The following CIZ1 variants were observed in gnomAD, a reference collection of about 807,000 sequenced individuals.
The protein encoded by CIZ1 is CDKN1A interacting zinc finger protein 1, also known as cip1-interacting zinc finger protein.
A neutral mutation model predicts 118.6 loss-of-function variants in CIZ1; 58 were observed. That is an observed-to-expected ratio of 0.49 (90% CI 0.40 to 0.61). The LOEUF is 0.61. Among genes scored for constraint, CIZ1 ranks in the 20% least tolerant of loss-of-function variants. CIZ1 has a pLI of 0.00. For synonymous variants in CIZ1, 448 were observed against 443.4 expected, an observed-to-expected ratio of 1.01 and a Z score of -0.13; for missense variants, 921 against 1,115.9, an observed-to-expected ratio of 0.83 and a Z score of 2.49.
intron 10 of CIZ1, 24 bp downstream of exon 10, chr9:128,177,542 C>CCCCCAAAAA: frequency 6.5e-5 from 80 of 1,229,346 alleles, no homozygotes; most frequent in Non-Finnish European, 6.7e-5. Context: ...CACCCCTCCC[C>CCCCCAAAAA]ACCCTTATCT....
chr9:128,180,360 C>T (rs1457233890), intron 7 of CIZ1, 55 bp downstream of exon 7: 1 of 1,347,992 alleles, frequency 7.4e-7, no homozygotes, highest in African/African-American at 1.4e-5. Flanking sequence ...CCTGCCTTTG[C>T]AGGAATGAGA....
chr9:128,187,035 G>C (rs1832468684), intron 4 of CIZ1, among the ~76,000 whole-genome samples: 1 of 151,556 alleles, frequency 6.6e-6, no homozygotes, highest in Non-Finnish European at 1.5e-5. Flanking sequence ...TGCCTCCTGG[G>C]TTCAAGTGAT....
chr9:128,198,868 A>T (rs999057795), intron 1 of CIZ1, among the ~76,000 whole-genome samples: 1 of 151,998 alleles, frequency 6.6e-6, no homozygotes, highest in Non-Finnish European at 1.5e-5. Context: ...TGCACTAAAA[A>T]TATGTATTCA....
In CIZ1 at chr9:128,177,616, C is replaced by T; in HGVS notation, c.1768G>A (p.Ala590Thr). The T allele has an allele frequency of 6.8e-7, 1 of 1,461,368 alleles. No individual in the cohort carries two copies. Among genetic ancestry groups the T allele is most frequent in the Non-Finnish European group, 9.2e-7 (1 of 1,089,494 alleles). 90.5% of individuals were successfully genotyped at this position (1,461,368 alleles called of 1,614,324 possible). The change falls in exon 10 of 17, where the codon GCC becomes ACC. Residue 590 changes from alanine (A) to threonine (T), a missense_variant. Transcript: ENST00000372938. The part of the protein sequence containing the change: ...PAATSTPSKQ[A>T]LQFFCYICKA... ...CAGATGTAGCAGAAGAACTGGAGGGCCTGCTTAGAGGGAGTGCTGGTAGCC... is the reference window on the plus strand; with the variant it reads ...CAGATGTAGCAGAAGAACTGGAGGGTCTGCTTAGAGGGAGTGCTGGTAGCC...
At chr9:128,188,761 T>A (rs1334102052) in intron 3 of CIZ1, among the ~76,000 whole-genome samples, 1 of 152,028 alleles carries the variant, frequency 6.6e-6, no homozygotes, top group East Asian at 1.9e-4. Flanking sequence ...GCCTCCTGAG[T>A]AGCTGGGATT....
intron 2 of CIZ1, 100 bp downstream of exon 2, chr9:128,190,588 A>C: frequency 6.9e-7 from 1 of 1,456,496 alleles, no homozygotes; most frequent in South Asian, 1.3e-5. Context: ...TCCAGGACTC[A>C]AACGGGGATG....
chr9:128,199,110 G>A lies in CIZ1; in HGVS notation c.-6+5076C>T, dbSNP rs577598790. Among the ~76,000 whole-genome samples, 7 of 152,184 alleles carry A rather than the reference G, an allele frequency of 4.6e-5. No individual in the cohort carries two copies. The East Asian group carries it at 1.4e-3, about 29-fold the overall frequency. On this transcript the variant is annotated intron_variant, in intron 1 of 17. Transcript: ENST00000372948. Reference sequence around the variant, plus strand: ...CGGCTGGGCACGGTGGCTCACGCCTGTAATCCCAGCACTTTGGGAGGCCGA... The same window carrying A: ...CGGCTGGGCACGGTGGCTCACGCCTATAATCCCAGCACTTTGGGAGGCCGA...
chr9:128,178,905 C>T lies in CIZ1; in HGVS notation c.1302G>A (p.Gln434=). ...CGCTTGGCTGTGCCTGTGTGTGGAC[C>T]TGTGGATATGTCTGTGTCTGGACCT... The part of the protein sequence containing the change: ...QKQVQTQTYP[Q]VHTQAQPSVQ... Residue 434 remains glutamine, a synonymous_variant, in exon 8 of 17, where the codon CAG becomes CAA. Transcript: ENST00000372938. 2 of 1,614,206 alleles carry T rather than the reference C, an allele frequency of 1.2e-6. No homozygotes were observed. Among genetic ancestry groups the T allele is most frequent in the South Asian group, 1.1e-5 (1 of 91,088 alleles).
intron 3 of CIZ1, 56 bp downstream of exon 3, chr9:128,190,273 G>A (rs572470186): frequency 9.8e-6 from 12 of 1,230,044 alleles, no homozygotes; most frequent in Non-Finnish European, 1.4e-5. Context: ...AGAGCAATGC[G>A]CTGCTAGGGA....
chr9:128,170,143 G>T, intron 11 of CIZ1, 36 bp from the exon 12 acceptor site: 1 of 1,569,582 alleles, frequency 6.4e-7, no homozygotes, highest in Non-Finnish European at 8.8e-7. Flanking sequence ...ACAATGTGAC[G>T]CCAGAAAGAC....
chr9:128,190,937 C>T, intron 1 of CIZ1, 75 bp from the exon 2 acceptor site: 1 of 1,468,976 alleles, frequency 6.8e-7, no homozygotes, highest in Non-Finnish European at 9.0e-7. Context: ...TCCACCGCCA[C>T]TCCCCGCAGC....
chr9:128,171,112 C>T (rs1446686868), intron 11 of CIZ1, among the ~76,000 whole-genome samples: 2 of 151,590 alleles, frequency 1.3e-5, no homozygotes, highest in African/African-American at 2.4e-5. Context: ...CAACACAAGA[C>T]GCTGTCTCAA....
intron 5 of CIZ1, among the ~76,000 whole-genome samples, chr9:128,181,308 G>A (rs2130969396): frequency 6.6e-6 from 1 of 152,268 alleles, no homozygotes. Flanking sequence ...TAGAGTTGGG[G>A]TTTCACTATG....
At chr9:128,187,696 G>A (rs1207332907) in intron 4 of CIZ1, among the ~76,000 whole-genome samples, 167 bp downstream of exon 4, 1 of 151,876 alleles carries the variant, frequency 6.6e-6, no homozygotes, top group African/African-American at 2.4e-5. Context: ...CAAAGGACAT[G>A]GACAAGTCAC....
Position 128,191,513 on chromosome 9 carries a change from G to C in CIZ1, c.-87C>G. The C allele has an allele frequency of 9.9e-7, 1 of 1,006,818 alleles. No individual in the cohort carries two copies. The highest frequency in any genetic ancestry group is 1.2e-6 in the Non-Finnish European group (1 of 843,616). The allele number at this position is 1,006,818 out of a possible 1,614,324, so 62.4% of individuals were successfully genotyped here. On this transcript the variant is annotated 5_prime_UTR_variant, in exon 1 of 17. Coordinates refer to ENST00000372938, the MANE Select transcript of CIZ1 (RefSeq NM_001131016.2). The surrounding 1 kb of genome is among the most constrained non-coding windows in gnomAD (Gnocchi z 5.5). ...GCAGCCCCCACGCCTCGGCCGGGCGGCTCCGGCCCGCGGGCTCCCGGCCTC... is the reference window on the plus strand; with the variant it reads ...GCAGCCCCCACGCCTCGGCCGGGCGCCTCCGGCCCGCGGGCTCCCGGCCTC...
chr9:128,173,834 G>A (rs1036886517), intron 11 of CIZ1, among the ~76,000 whole-genome samples: 3 of 151,830 alleles, frequency 2.0e-5, no homozygotes, highest in Non-Finnish European at 4.4e-5. Flanking sequence ...GAGAAACCCT[G>A]TCTCTACTAA....
intron 11 of CIZ1, among the ~76,000 whole-genome samples, chr9:128,172,650 T>C (rs1830290256): frequency 6.6e-6 from 1 of 152,188 alleles, no homozygotes; most frequent in African/African-American, 2.4e-5. Flanking sequence ...CAGAAAGTGT[T>C]CGTGTTGTCA....
Position 128,190,446 on chromosome 9 carries a change from T to C in CIZ1, c.171-2A>G. On this transcript the variant is annotated splice_acceptor_variant, in intron 2 of 16. Coordinates refer to ENST00000372938, the MANE Select transcript of CIZ1 (RefSeq NM_001131016.2). LOFTEE classifies it high-confidence loss of function. The stretch of plus-strand genomic sequence containing the variant: ...TGTGGCTGCTGCGGGGGGAGCCCCC[T>C]GTGTGTTGGGAGGGGGTGTCAGAGG... 1 of 1,608,114 alleles carries C rather than the reference T, an allele frequency of 6.2e-7. No homozygotes were observed. Among genetic ancestry groups the C allele is most frequent in the Non-Finnish European group, 8.5e-7 (1 of 1,176,254 alleles).
chr9:128,190,945 A>G lies in CIZ1; in HGVS notation c.-5-83T>C. 2.0e-6 allele frequency: 3 copies of G among 1,465,522 alleles called. No homozygotes were observed. In the South Asian group the frequency reaches 4.1e-5, roughly 20 times the overall value. The allele number at this position is 1,465,522 out of a possible 1,614,324, so 90.8% of individuals were successfully genotyped here. A position where few individuals can be genotyped will look rare whatever the true frequency, so the allele number is the denominator to read the frequency against. The stretch of plus-strand genomic sequence containing the variant: ...CCTCCCATCCACCGCCACTCCCCGC[A>G]GCCACAGCCCGCAGAGACTGCTGAG... On this transcript the variant is annotated intron_variant, in intron 1 of 16. Coordinates refer to ENST00000372938, the MANE Select transcript of CIZ1 (RefSeq NM_001131016.2).
Sources: gnomAD v4.1 joint callset for allele counts (sites outside exome capture counted in the v4.1 genomes callset) on GRCh38, gnomAD v4.1.1 for gene constraint, Gnocchi (gnomAD v3.1) non-coding constraint, MANE v1.5 for transcripts, NCBI Gene and HGNC (gene_info 2026-07-23, HGNC 2026-07-21) for gene names.